PRCP: variants seen among roughly 807,000 people sequenced by gnomAD.
PRCP encodes lysosomal Pro-X carboxypeptidase.
A neutral mutation model predicts 54.2 loss-of-function variants in PRCP; 46 were observed. The observed-to-expected ratio is 0.85, with a 90% confidence interval of 0.67 to 1.09. The LOEUF is 1.09. PRCP is among the 50% of genes least tolerant of loss of function. The pLI is 0.00. For synonymous variants in PRCP, 240 were observed against 212.2 expected (o/e 1.13, Z -1.14); for missense variants, 613 against 596.8 (o/e 1.03, Z -0.28).
intron 1 of PRCP, among the ~76,000 whole-genome samples, chr11:82,867,000 G>A (rs1429662148): frequency 2.0e-5 from 3 of 152,178 alleles, no homozygotes; most frequent in Non-Finnish European, 4.4e-5. Context: ...GGGATTACAG[G>A]CATGAGCCAC....
intron 6 of PRCP, chr11:82,839,673 A>G (rs538488768): frequency 2.1e-5 from 9 of 438,404 alleles, no homozygotes; most frequent in Non-Finnish European, 3.2e-5. Flanking sequence ...TCCATCTACC[A>G]TCTTAGCTTC....
At chr11:82,826,031 A>G (rs190107070) in intron 8 of PRCP, 58 of 152,318 alleles carry the variant, frequency 3.8e-4, no homozygotes, top group African/African-American at 1.3e-3. Context: ...GGTTTTTAGT[A>G]TACTCAGAGT....
At chr11:82,836,832 G>A (rs1858539566) in intron 8 of PRCP, 1 of 352,450 alleles carries the variant, frequency 2.8e-6, no homozygotes, top group South Asian at 2.3e-5. Context: ...ACAGGAGTGA[G>A]CCACTGCATC....
At position 82,823,993 on chromosome 11, in the gene PRCP, AT is replaced by A. The variant is rs1053908668; in HGVS notation, c.*912del. The A allele has an allele frequency of 2.0e-5, 3 of 152,222 alleles. No individual in the cohort carries two copies. Among genetic ancestry groups the A allele is most frequent in the African/African-American group, 7.2e-5 (3 of 41,450 alleles). The allele number at this position is 152,222 out of a possible 1,614,324, so 9.4% of individuals were successfully genotyped here. A position where few individuals can be genotyped will look rare whatever the true frequency, so the allele number is the denominator to read the frequency against. ...ACTATCAGAAAATAAAATTTTAAAA[AT>A]TTAAAAGCTGAATATTACTATATTC... On this transcript the variant is annotated 3_prime_UTR_variant, in exon 9 of 9. Coordinates refer to ENST00000313010, the MANE Select transcript of PRCP (RefSeq NM_005040.4).
At chr11:82,842,002 T>C (rs909518036) in intron 6 of PRCP, among the ~76,000 whole-genome samples, 1 of 152,168 alleles carries the variant, frequency 6.6e-6, no homozygotes, top group Non-Finnish European at 1.5e-5. Context: ...AAGCGCCTTA[T>C]GTTCAAGGAC....
rs988882426 is a variant in PRCP at position 82,869,143 on chromosome 11, C to T, written c.169-9026G>A. ...GGCCAAGGTGGTAGGATCACTTGAGCCCAGGAGTTCAAGACCAGCCTGGGC... is the reference window on the plus strand; with the variant it reads ...GGCCAAGGTGGTAGGATCACTTGAGTCCAGGAGTTCAAGACCAGCCTGGGC... On this transcript the variant is annotated intron_variant, in intron 1 of 8. Coordinates refer to ENST00000313010, the MANE Select transcript of PRCP (RefSeq NM_005040.4). Among the ~76,000 whole-genome samples, 4 of 151,742 alleles carry T rather than the reference C, an allele frequency of 2.6e-5. No homozygotes were observed. The South Asian group carries it at 8.3e-4, about 32-fold the overall frequency.
At chr11:82,830,066 T>G (rs1012368561) in intron 8 of PRCP, 1 of 152,100 alleles carries the variant, frequency 6.6e-6, no homozygotes, top group Non-Finnish European at 1.5e-5. Context: ...CACTGGATTA[T>G]AGAAAAAAAT....
intron 8 of PRCP, among the ~76,000 whole-genome samples, chr11:82,837,935 G>T (rs1858565052): frequency 6.6e-6 from 1 of 152,146 alleles, no homozygotes; most frequent in Non-Finnish European, 1.5e-5. Context: ...CAGTAAAAAA[G>T]GGGCTATAAA....
chr11:82,849,975 A>T lies in PRCP; in HGVS notation c.690T>A (p.Gly230=), dbSNP rs746541073. The T allele has an allele frequency of 6.5e-7, 1 of 1,548,122 alleles. No homozygotes were observed. The highest frequency in any genetic ancestry group is 1.2e-5 in the South Asian group (1 of 81,468). The change falls in exon 5 of 9, where the codon GGT becomes GGA. Residue 230 remains glycine (G), a synonymous_variant. Coordinates refer to ENST00000313010, the MANE Select transcript of PRCP (RefSeq NM_005040.4). ...TGTGGATGCTCTCTGAACAATGTGG[A>T]CCGCTTTTCCTAAAATCTGTAGTTA... The part of the protein sequence containing the change: ...KIVTTDFRKS[G]PHCSESIHRS...
intron 8 of PRCP, chr11:82,830,627 C>CAAAAAAAA (rs35851740): frequency 5.4e-5 from 1 of 18,644 alleles, no homozygotes; most frequent in Non-Finnish European, 9.7e-5. Context: ...GACTCCATCT[C>CAAAAAAAA]AAAAAAAAAA....
chr11:82,874,581 C>T (rs1420348345), intron 1 of PRCP, among the ~76,000 whole-genome samples: 1 of 151,112 alleles, frequency 6.6e-6, no homozygotes, highest in Non-Finnish European at 1.5e-5. Flanking sequence ...GTACCAGCCA[C>T]TCAGGAGGAT....
chr11:82,850,563 A>G, intron 3 of PRCP, 58 bp from the exon 4 acceptor site: 1 of 1,294,654 alleles, frequency 7.7e-7, no homozygotes, highest in Non-Finnish European at 1.0e-6. Flanking sequence ...CAGCTTAGGA[A>G]TAGCATGGAT....
intron 1 of PRCP, 130 bp from the exon 2 acceptor site, chr11:82,860,247 CTG>C: frequency 1.9e-6 from 1 of 523,310 alleles, no homozygotes; most frequent in Non-Finnish European, 2.9e-6. Flanking sequence ...TTAAACTTCA[CTG>C]TTTTATTATT....
At chr11:82,897,860 A>G (rs1860153412) in intron 1 of PRCP, among the ~76,000 whole-genome samples, 2 of 152,354 alleles carry the variant, frequency 1.3e-5, no homozygotes, top group Non-Finnish European at 2.9e-5. Context: ...CTTTATATAC[A>G]TAGAAGGACA....
At chr11:82,855,043 A>G (rs545448708) in intron 2 of PRCP, among the ~76,000 whole-genome samples, 3 of 152,352 alleles carry the variant, frequency 2.0e-5, no homozygotes, top group Admixed American at 2.0e-4. Context: ...AAAGACTTAA[A>G]TGTAAAACTG....
At chr11:82,891,213 T>C (rs1012720032) in intron 1 of PRCP, among the ~76,000 whole-genome samples, 4 of 152,162 alleles carry the variant, frequency 2.6e-5, no homozygotes, top group African/African-American at 9.7e-5. Context: ...GCCAAAAACC[T>C]TGGAGTCATC....
chr11:82,836,884 G>T, intron 8 of PRCP: 2 of 396,350 alleles, frequency 5.0e-6, no homozygotes, highest in Non-Finnish European at 1.0e-5. Flanking sequence ...GGTACAAGTG[G>T]TTCTACAGAC....
At chr11:82,831,043 C>CAAAAAAA (rs11356609) in intron 8 of PRCP, 1 of 67,220 alleles carries the variant, frequency 1.5e-5, no homozygotes, top group Non-Finnish European at 2.9e-5. Flanking sequence ...GGAAAATCTA[C>CAAAAAAA]AAAAAAAAAA....
At chr11:82,894,521 T>A (rs1467307768) in intron 1 of PRCP, among the ~76,000 whole-genome samples, 2 of 152,174 alleles carry the variant, frequency 1.3e-5, no homozygotes, top group Admixed American at 6.5e-5. Flanking sequence ...GATCAGCAGA[T>A]CCAATCCATT....
Sources: allele counts gnomAD v4.1 joint callset (sites outside exome capture counted in the v4.1 genomes callset), GRCh38; gene constraint gnomAD v4.1.1; transcripts MANE v1.5; gene names NCBI Gene and HGNC (gene_info 2026-07-23, HGNC 2026-07-21).